SH2D1A: variants seen among roughly 807,000 people sequenced by gnomAD.
The protein encoded by SH2D1A is SH2 domain containing 1A.
In SH2D1A, 6 loss-of-function variants were observed where a neutral mutation model predicts 10.1. That is an observed-to-expected ratio of 0.60 (90% CI 0.33 to 1.18). The LOEUF is 1.18. Among genes scored for constraint, SH2D1A ranks in the 50% most tolerant of loss-of-function variants. The pLI is 0.04. For missense variants in SH2D1A, 51 were observed against 97.6 expected, an observed-to-expected ratio of 0.52 and a Z score of 2.01; for synonymous variants, 42 against 36.9, an observed-to-expected ratio of 1.14 and a Z score of -0.51.
rs779822938 is a variant in SH2D1A, at chrX:124,346,682, G to A, written c.40G>A (p.Glu14Lys). The A allele has an allele frequency of 3.3e-6, 4 of 1,211,681 alleles. No homozygotes were observed. Among genetic ancestry groups the A allele is most frequent in the Non-Finnish European group, 3.4e-6 (3 of 895,262 alleles). ...VAVYHGKISR[E>K]TGEKLLLATG... The stretch of plus-strand genomic sequence containing the variant: ...TGTGTATCATGGCAAAATCAGCAGG[G>A]AAACCGGCGAGAAGCTCCTGCTTGC... Residue 14 changes from glutamate to lysine, a missense_variant, in exon 1 of 4, where the codon GAA becomes AAA. Physicochemically the swap from Glu to Lys is moderately conservative, Grantham distance 56 (BLOSUM62 1). Coordinates refer to ENST00000371139, the MANE Select transcript of SH2D1A (RefSeq NM_002351.5).
At chrX:124,347,670 C>G (rs970233852) in intron 1 of SH2D1A, among the ~76,000 whole-genome samples, 3 of 111,243 alleles carry the variant, frequency 2.7e-5, no homozygotes, top group Non-Finnish European at 5.7e-5. Flanking sequence ...TACTGCCTAC[C>G]TCATAGGATT....
intron 2 of SH2D1A, among the ~76,000 whole-genome samples, chrX:124,366,632 T>A (rs1002991390): frequency 9.0e-6 from 1 of 111,187 alleles, no homozygotes; most frequent in Non-Finnish European, 1.9e-5. Flanking sequence ...TTGGAAAGTA[T>A]AAATTACAGA....
At chrX:124,364,421 GT>G in intron 1 of SH2D1A, 1 of 278,727 alleles carries the variant, frequency 3.6e-6, no homozygotes, top group South Asian at 3.8e-5. Context: ...TAAGCGAAGT[GT>G]TATAAAAGAG....
intron 1 of SH2D1A, among the ~76,000 whole-genome samples, chrX:124,347,356 G>T (rs998606335): frequency 9.0e-6 from 1 of 110,668 alleles, no homozygotes; most frequent in South Asian, 3.9e-4. Context: ...AAAAGTAGTG[G>T]GGGGTGGGGA....
chrX:124,363,475 T>C (rs1210583251), intron 1 of SH2D1A, among the ~76,000 whole-genome samples: 1 of 111,882 alleles, frequency 8.9e-6, no homozygotes, highest in Admixed American at 9.5e-5. Flanking sequence ...AAGATTATAA[T>C]GGAGCTGAAA....
intron 2 of SH2D1A, among the ~76,000 whole-genome samples, chrX:124,367,244 A>T (rs1426902673): frequency 8.9e-6 from 1 of 112,325 alleles, no homozygotes; most frequent in Non-Finnish European, 1.9e-5. Context: ...AATAGTTTAA[A>T]AAATTCTTTA....
intron 2 of SH2D1A, 132 bp from the exon 3 acceptor site, chrX:124,370,044 C>T: frequency 5.3e-6 from 3 of 570,026 alleles, no homozygotes; most frequent in Admixed American, 5.3e-5. Flanking sequence ...GTTTTTCCTT[C>T]TTCCTTATGT....
chrX:124,370,711 T>G (rs187538229), intron 3 of SH2D1A, among the ~76,000 whole-genome samples: 180 of 112,074 alleles, frequency 1.6e-3, no homozygotes, highest in Middle Eastern at 0.014. Flanking sequence ...AGTAAACTGT[T>G]TTTTCCTTCA....
chrX:124,358,577 C>T (rs1017592317), intron 1 of SH2D1A, among the ~76,000 whole-genome samples: 1 of 111,904 alleles, frequency 8.9e-6, no homozygotes, highest in African/African-American at 3.3e-5. Flanking sequence ...AAACACTGTC[C>T]TGTGAAGACT....
chrX:124,351,184 TTAATATGAAAAAAA>T (rs1444401549), intron 1 of SH2D1A, among the ~76,000 whole-genome samples: 1 of 103,105 alleles, frequency 9.7e-6, no homozygotes, highest in Admixed American at 1.1e-4. Context: ...CATTTCCCAC[TTAATATGAAAAAAA>T]TACACTCATA....
At chrX:124,349,965 T>A (rs2060003652) in intron 1 of SH2D1A, among the ~76,000 whole-genome samples, 1 of 104,267 alleles carries the variant, frequency 9.6e-6, no homozygotes, top group African/African-American at 3.5e-5. Context: ...AAATCATCTA[T>A]AGTTTTATAA....
chrX:124,350,236 T>C (rs1357552622), intron 1 of SH2D1A, among the ~76,000 whole-genome samples: 2 of 22,813 alleles, frequency 8.8e-5, no homozygotes, highest in African/African-American at 6.7e-4. Context: ...ATATATTATA[T>C]AATATTATAT....
chrX:124,353,125 A>G (rs775252287), intron 1 of SH2D1A: 8 of 140,814 alleles, frequency 5.7e-5, no homozygotes, highest in Non-Finnish European at 1.0e-4. Flanking sequence ...AATATGTACA[A>G]TTATTATGTA....
chrX:124,361,966 A>G (rs2060041100), intron 1 of SH2D1A, among the ~76,000 whole-genome samples: 1 of 111,764 alleles, frequency 8.9e-6, no homozygotes, highest in Non-Finnish European at 1.9e-5. Flanking sequence ...GTGTGGCTGG[A>G]CTATCTGTCA....
At position 124,351,049 on chromosome X, in the gene SH2D1A, ATT is replaced by A. The variant is rs776353482; in HGVS notation, c.137+4271_137+4272del. Among the ~76,000 whole-genome samples the A allele has an allele frequency of 2.8e-3, 250 of 90,749 alleles. 3 individuals carry two copies. The highest frequency in any genetic ancestry group is 9.8e-3 in the African/African-American group (243 of 24,759). The allele number at this position is 90,749 out of a possible 115,157, so 78.8% of individuals were successfully genotyped here. A position where few individuals can be genotyped will look rare whatever the true frequency, so the allele number is the denominator to read the frequency against. On this transcript the variant is annotated intron_variant, in intron 1 of 3. Transcript: ENST00000371139. ...TTATAAATATATATATTTTATATAT[ATT>A]ATTATAAATATATATTTTTATATAT... is the stretch of plus-strand genomic sequence containing the variant.
intron 1 of SH2D1A, among the ~76,000 whole-genome samples, chrX:124,350,278 A>AAATAT: frequency 4.4e-5 from 1 of 22,701 alleles, no homozygotes; most frequent in African/African-American, 3.4e-4. Flanking sequence ...TATTATATAT[A>AAATAT]ATATTATATA....
At chrX:124,363,890 C>CAAAAAAAAAAAAAAAAAAA (rs1211666787) in intron 1 of SH2D1A, among the ~76,000 whole-genome samples, 5 of 33,280 alleles carry the variant, frequency 1.5e-4, no homozygotes, top group Non-Finnish European at 2.4e-4. Flanking sequence ...GACTCTATCT[C>CAAAAAAAAAAAAAAAAAAA]AAAAAAAAAA....
At chrX:124,366,549 G>A (rs1040095504) in intron 2 of SH2D1A, among the ~76,000 whole-genome samples, 2 of 111,197 alleles carry the variant, frequency 1.8e-5, no homozygotes, top group Non-Finnish European at 3.8e-5. Context: ...CTCAATCTGT[G>A]CATTTAAAAT....
At chrX:124,362,497 C>T (rs2060042280) in intron 1 of SH2D1A, among the ~76,000 whole-genome samples, 1 of 112,232 alleles carries the variant, frequency 8.9e-6, no homozygotes, top group Non-Finnish European at 1.9e-5. Flanking sequence ...GAATGTCTAT[C>T]CTCTTCCTGT....
Sources: gnomAD v4.1 joint callset for allele counts (sites outside exome capture counted in the v4.1 genomes callset) on GRCh38, gnomAD v4.1.1 for gene constraint, MANE v1.5 for transcripts, NCBI Gene and HGNC (gene_info 2026-07-23, HGNC 2026-07-21) for gene names.